Variants in VIPR1 observed in about 807,000 individuals in gnomAD.
VIPR1 encodes vasoactive intestinal polypeptide receptor 1.
A neutral mutation model predicts 58.8 loss-of-function variants in VIPR1; 59 were observed. The ratio of observed to expected loss-of-function variants is 1.00; its 90% confidence interval spans 0.81 to 1.25. The LOEUF is 1.25. Among genes scored for constraint, VIPR1 ranks in the 50% most tolerant of loss-of-function variants. The pLI, the probability that VIPR1 is intolerant of heterozygous loss-of-function variation, is 0.00. For synonymous variants in VIPR1, 251 were observed against 242.1 expected (o/e 1.04, Z -0.34); for missense variants, 626 against 602.7 (o/e 1.04, Z -0.40).
At chr3:42,528,245 C>G in intron 6 of VIPR1, 122 bp downstream of exon 6, 1 of 1,364,932 alleles carries the variant, frequency 7.3e-7, no homozygotes. Flanking sequence ...CCCCACCCCT[C>G]AATCCAAGGA....
chr3:42,530,738 G>T, intron 6 of VIPR1, 41 bp from the exon 7 acceptor site: 8 of 1,607,130 alleles, frequency 5.0e-6, no homozygotes, highest in South Asian at 1.1e-5. Context: ...AAGGACCCTT[G>T]ACAGCCCCAG....
At chr3:42,524,693 G>A (rs1052636962) in intron 3 of VIPR1, among the ~76,000 whole-genome samples, 1 of 152,142 alleles carries the variant, frequency 6.6e-6, no homozygotes, top group Non-Finnish European at 1.5e-5. Flanking sequence ...GACACTTCCT[G>A]AGCTCATAGA....
intron 1 of VIPR1, among the ~76,000 whole-genome samples, chr3:42,493,189 G>A (rs1489405106): frequency 6.6e-6 from 1 of 152,198 alleles, no homozygotes; most frequent in East Asian, 1.9e-4. Flanking sequence ...GGTGGCTTCT[G>A]GCTCCAGTGA....
At chr3:42,510,041 C>T (rs148887467) in intron 1 of VIPR1, among the ~76,000 whole-genome samples, 1 of 152,220 alleles carries the variant, frequency 6.6e-6, no homozygotes, top group Admixed American at 6.5e-5. Flanking sequence ...GGAGTGAAAG[C>T]TCACACTTGA....
chr3:42,513,011 G>A, intron 1 of VIPR1: 1 of 963,634 alleles, frequency 1.0e-6, no homozygotes, highest in Non-Finnish European at 1.2e-6. Flanking sequence ...GTACAGGGAG[G>A]GGAAGAGGAG....
chr3:42,532,378 AGT>A, intron 10 of VIPR1, 45 bp downstream of exon 10: 1 of 1,570,306 alleles, frequency 6.4e-7, no homozygotes, highest in Non-Finnish European at 8.8e-7. Flanking sequence ...CTCCATCCCC[AGT>A]CCTCAAATCA....
chr3:42,503,462 G>C (rs551622772), intron 1 of VIPR1, among the ~76,000 whole-genome samples: 25 of 152,290 alleles, frequency 1.6e-4, no homozygotes, highest in Admixed American at 8.5e-4. Flanking sequence ...GCTGAGCAGG[G>C]AGCCAATGCC....
intron 2 of VIPR1, among the ~76,000 whole-genome samples, chr3:42,517,357 C>T (rs1700684651): frequency 6.6e-6 from 1 of 152,190 alleles, no homozygotes; most frequent in Non-Finnish European, 1.5e-5. Flanking sequence ...GACTTTGGCT[C>T]AGGGGTTGGG....
rs1273386376 is a variant in VIPR1, at chr3:42,536,376, GC to G, written c.*99del. ...ACAGAGGCCTGCCCGGGCGCGGCCA[GC>G]CCCGGCCCTGGGCTCGGAGGCTGCC... On this transcript the variant is annotated 3_prime_UTR_variant, in exon 13 of 13. Coordinates refer to ENST00000325123, the MANE Select transcript of VIPR1 (RefSeq NM_004624.4). 4 of 1,353,890 alleles carry G rather than the reference GC, an allele frequency of 3.0e-6. No homozygotes were observed. The highest frequency in any genetic ancestry group is 3.9e-6 in the Non-Finnish European group (4 of 1,034,642). 83.9% of individuals were successfully genotyped at this position (1,353,890 alleles called of 1,614,324 possible). A position where few individuals can be genotyped will look rare whatever the true frequency, so the allele number is the denominator to read the frequency against.
At chr3:42,533,430 C>CCG in intron 10 of VIPR1, 1 of 65,706 alleles carries the variant, frequency 1.5e-5, no homozygotes, top group South Asian at 4.2e-4. Context: ...CTGGGGGGGA[C>CCG]GGGGGGGGCA....
At chr3:42,526,075 T>G in intron 4 of VIPR1, 82 bp downstream of exon 4, 1 of 1,346,068 alleles carries the variant, frequency 7.4e-7, no homozygotes, top group South Asian at 1.3e-5. Context: ...CCGAGGGGTG[T>G]GGTTGCTGTC....
chr3:42,534,736 T>C (rs986720405), intron 10 of VIPR1: 2 of 422,374 alleles, frequency 4.7e-6, no homozygotes, highest in Admixed American at 4.1e-5. Flanking sequence ...TAGAGGGGGT[T>C]TCTTTCTCTC....
rs1365121780 is a variant in VIPR1, at chr3:42,512,954, G to A, written c.79-795G>A. On this transcript the variant is annotated intron_variant, in intron 1 of 12. Coordinates refer to ENST00000325123, the MANE Select transcript of VIPR1 (RefSeq NM_004624.4). ...CACTCACATGTCTTCCACAAGGTCA[G>A]TGACCCCAGTCACACTGGTCTGGCC... 6.1e-6 allele frequency: 6 copies of A among 985,336 alleles called. No individual in the cohort carries two copies. The African/African-American group carries it at 7.0e-5, about 11-fold the overall frequency. 61.0% of individuals were successfully genotyped at this position (985,336 alleles called of 1,614,324 possible). A position where few individuals can be genotyped will look rare whatever the true frequency, so the allele number is the denominator to read the frequency against.
At chr3:42,514,688 C>T (rs563003015) in intron 2 of VIPR1, among the ~76,000 whole-genome samples, 5 of 152,176 alleles carry the variant, frequency 3.3e-5, no homozygotes, top group South Asian at 2.1e-4. Flanking sequence ...GCTGATGAGA[C>T]AAGTCAAGGT....
Position 42,528,290 on chromosome 3 carries a change from C to T in VIPR1, c.636+167C>T, listed in dbSNP as rs1014940302. On this transcript the variant is annotated intron_variant, in intron 6 of 12. Transcript: ENST00000325123. ...CCCCACCCAACCCCACCTGGCAGTA[C>T]TCAAATCACACTCCCCTCCGGCAAC... is the stretch of plus-strand genomic sequence containing the variant. The T allele has an allele frequency of 8.7e-5, 80 of 919,758 alleles. No individual in the cohort carries two copies. In the African/African-American group the frequency reaches 1.1e-3, roughly 12 times the overall value. The allele number at this position is 919,758 out of a possible 1,614,324, so 57.0% of individuals were successfully genotyped here. A position where few individuals can be genotyped will look rare whatever the true frequency, so the allele number is the denominator to read the frequency against.
At position 42,532,100 on chromosome 3, in the gene VIPR1, C is replaced by G; in HGVS notation, c.919-142C>G. On this transcript the variant is annotated intron_variant, in intron 9 of 12. Transcript: ENST00000325123. ...GAGGTAGAGTTCCCGGATGACCTGC[C>G]CAAAGGGGAAATGCCAGAGGAGAGG... 4 of 977,002 alleles carry G rather than the reference C, an allele frequency of 4.1e-6. 1 individual carries two copies. The highest frequency in any genetic ancestry group is 2.9e-5 in the South Asian group (2 of 67,982). 60.5% of individuals were successfully genotyped at this position (977,002 alleles called of 1,614,324 possible). A position where few individuals can be genotyped will look rare whatever the true frequency, so the allele number is the denominator to read the frequency against.
chr3:42,506,278 G>A (rs535282338), intron 1 of VIPR1, among the ~76,000 whole-genome samples: 5 of 152,298 alleles, frequency 3.3e-5, no homozygotes, highest in African/African-American at 1.2e-4. Flanking sequence ...ATGAGACCAG[G>A]GTAGGGGCTC....
intron 2 of VIPR1, 136 bp from the exon 3 acceptor site, chr3:42,519,087 C>G: frequency 3.1e-6 from 2 of 639,936 alleles, no homozygotes; most frequent in South Asian, 5.4e-5. Flanking sequence ...GCTGTGCCTC[C>G]CCTCTCAGAC....
upstream of VIPR1, chr3:42,500,056 G>A (rs1053821269): frequency 1.7e-4 from 26 of 152,340 alleles, no homozygotes; most frequent in African/African-American, 5.8e-4. Flanking sequence ...AAGGAAGGGT[G>A]GATCCCCCAG....
Sources: allele counts gnomAD v4.1 joint callset (sites outside exome capture counted in the v4.1 genomes callset), GRCh38; gene constraint gnomAD v4.1.1; transcripts MANE v1.5; gene names NCBI Gene and HGNC (gene_info 2026-07-23, HGNC 2026-07-21).